The following EIF2D variants were observed in gnomAD, a reference collection of about 807,000 sequenced individuals.
The protein encoded by EIF2D is eukaryotic translation initiation factor 2D, also known as hepatocellular carcinoma-associated antigen 56.
In EIF2D, 56 loss-of-function variants were observed where a neutral mutation model predicts 77.4. The ratio of observed to expected loss-of-function variants is 0.72; its 90% confidence interval spans 0.58 to 0.90. The LOEUF is 0.90. Ranked by LOEUF, EIF2D falls within the 40% of genes least tolerant of loss-of-function variation. The probability of loss-of-function intolerance (pLI) is 0.00; values close to 1 mark genes in which losing one functional copy is unlikely to be tolerated. For synonymous variants in EIF2D, 230 were observed against 271.0 expected (o/e 0.85, Z 1.49); for missense variants, 574 against 706.5 (o/e 0.81, Z 2.13).
Position 206,593,640 on chromosome 1 carries a change from G to A in EIF2D, c.1663C>T (p.His555Tyr), listed in dbSNP as rs1553409453. The A allele has an allele frequency of 1.9e-6, 3 of 1,610,210 alleles. No homozygotes were observed. Among genetic ancestry groups the A allele is most frequent in the South Asian group, 2.2e-5 (2 of 90,908 alleles). Residue 555 changes from histidine to tyrosine, a missense_variant, in exon 14 of 15, where the codon CAC becomes TAC. His to Tyr is a moderately conservative substitution (Grantham distance 83, BLOSUM62 2). Transcript: ENST00000271764. ...TCACCAAGCAATAGCCAGCCGAGGTGGTGGACCTGGTTTCCCTGGATCTGC... is the reference window on the plus strand; with the variant it reads ...TCACCAAGCAATAGCCAGCCGAGGTAGTGGACCTGGTTTCCCTGGATCTGC... ...QVQIQGNQVH[H>Y]LGWLLLEEYQ... is the part of the protein sequence containing the mutation.
intron 12 of EIF2D, among the ~76,000 whole-genome samples, chr1:206,596,402 C>T (rs1378989062): frequency 3.3e-5 from 5 of 152,144 alleles, no homozygotes. Flanking sequence ...CTCAGTTCTG[C>T]CATTATAGCA....
chr1:206,591,960 G>A (rs967439636), intron 14 of EIF2D, 115 bp from the exon 15 acceptor site: 16 of 971,138 alleles, frequency 1.6e-5, no homozygotes, highest in Middle Eastern at 5.2e-4. Flanking sequence ...ACTCAACTTC[G>A]GGACTGACCA....
chr1:206,593,214 C>T (rs1302079353), intron 14 of EIF2D, among the ~76,000 whole-genome samples: 1 of 152,060 alleles, frequency 6.6e-6, no homozygotes, highest in African/African-American at 2.4e-5. Flanking sequence ...CCTCTCTGGG[C>T]CTCAGTTTCC....
chr1:206,571,544 T>C (rs1436894427), intron 5 of EIF2D: 1 of 152,184 alleles, frequency 6.6e-6, no homozygotes, highest in African/African-American at 2.4e-5. Flanking sequence ...GGTGTGCTCA[T>C]AGTCTAATGA....
chr1:206,600,347 A>T, intron 7 of EIF2D, 39 bp from the exon 8 acceptor site: 2 of 1,596,104 alleles, frequency 1.3e-6, no homozygotes, highest in Non-Finnish European at 1.7e-6. Flanking sequence ...ACTAATGAGC[A>T]GTCATACTGG....
intron 4 of EIF2D, 129 bp downstream of exon 4, chr1:206,608,107 A>G (rs1670285243): frequency 1.4e-6 from 1 of 728,932 alleles, no homozygotes; most frequent in Non-Finnish European, 2.2e-6. Flanking sequence ...CTGCTGGCCC[A>G]CTCTGCTTCT....
rs965242525 is a variant in EIF2D at position 206,579,481 on chromosome 1, G to A, written c.*254+1211C>T. ...ATCCTCTGAAGATTGCTATAGTATCGATCTCGCTCTCATGGCAGATAGTGC... is the reference window on the plus strand; with the variant it reads ...ATCCTCTGAAGATTGCTATAGTATCAATCTCGCTCTCATGGCAGATAGTGC... On this transcript the variant is annotated intron_variant and NMD_transcript_variant, in intron 4 of 5. Coordinates refer to the EIF2D transcript ENST00000472709. The surrounding 1 kb of genome is among the most constrained non-coding windows in gnomAD (Gnocchi z 4.2). Among the ~76,000 whole-genome samples the A allele has an allele frequency of 2.0e-5, 3 of 152,090 alleles. No individual in the cohort carries two copies. In the East Asian group the frequency reaches 5.8e-4, roughly 29 times the overall value.
In EIF2D at chr1:206,593,804, A is replaced by G. The variant is rs1669504286; in HGVS notation, c.1510-11T>C. ...CCGGACCACGGTCACCTGGGGGGACAGTGGGGACAGAGACTGACGGTGGTG... is the reference window on the plus strand; with the variant it reads ...CCGGACCACGGTCACCTGGGGGGACGGTGGGGACAGAGACTGACGGTGGTG... On this transcript the variant is annotated splice_polypyrimidine_tract_variant and intron_variant, in intron 13 of 14. Transcript: ENST00000271764. The G allele has an allele frequency of 3.1e-6, 5 of 1,590,138 alleles. No homozygotes were observed. Among genetic ancestry groups the G allele is most frequent in the South Asian group, 1.1e-5 (1 of 89,440 alleles).
chr1:206,586,918 T>C, downstream of EIF2D: 2 of 1,614,174 alleles, frequency 1.2e-6, no homozygotes, highest in Non-Finnish European at 1.7e-6. Flanking sequence ...AAAAGAAGTA[T>C]GACAAGTTTA....
downstream of EIF2D, among the ~76,000 whole-genome samples, chr1:206,589,754 C>G (rs1178143588): frequency 6.6e-6 from 1 of 152,172 alleles, no homozygotes; most frequent in African/African-American, 2.4e-5. Context: ...AGTTCTCTGA[C>G]TTTCATCAAA....
downstream of EIF2D, chr1:206,571,283 G>GT (rs34919529): frequency 0.52 from 76,070 of 147,010 alleles, 20,048 homozygotes; most frequent in Middle Eastern, 0.68. Context: ...TTTTCATCAG[G>GT]TTTTTTTTTT....
At position 206,584,858 on chromosome 1, in the gene EIF2D, G is replaced by T; in HGVS notation, c.139-3696C>A. ...GAATCCGGGCAGGGAGGCAAGAGCA[G>T]AGTCCCTGACTCTGCATGTGACTTC... is the stretch of plus-strand genomic sequence containing the variant. On this transcript the variant is annotated intron_variant and NMD_transcript_variant, in intron 2 of 5. Coordinates refer to the EIF2D transcript ENST00000472709. This position sits in a 1 kb window ranked among gnomAD's most constrained non-coding sequence, Gnocchi z 4.9. The T allele has an allele frequency of 1.5e-6, 1 of 688,848 alleles. No homozygotes were observed. Among genetic ancestry groups the T allele is most frequent in the South Asian group, 1.9e-5 (1 of 53,618 alleles). 42.7% of individuals were successfully genotyped at this position (688,848 alleles called of 1,614,324 possible).
chr1:206,602,183 G>A, intron 7 of EIF2D, 153 bp downstream of exon 7: 1 of 579,028 alleles, frequency 1.7e-6, no homozygotes, highest in South Asian at 2.3e-5. Flanking sequence ...TAGAACCCAG[G>A]AACTAATGTA....
intron 5 of EIF2D, among the ~76,000 whole-genome samples, chr1:206,603,836 T>C (rs1670051392): frequency 6.6e-6 from 1 of 152,194 alleles, no homozygotes. Flanking sequence ...TAGCCAACAT[T>C]ATGCAAATCA....
chr1:206,603,592 T>G, intron 5 of EIF2D: 9 of 179,502 alleles, frequency 5.0e-5, no homozygotes, highest in Non-Finnish European at 8.4e-5. Flanking sequence ...AGATCGCGAA[T>G]GCATCTGTAA....
At chr1:206,602,304 C>T (rs782461236) in intron 7 of EIF2D, 32 bp downstream of exon 7, 14 of 1,585,768 alleles carry the variant, frequency 8.8e-6, no homozygotes, top group South Asian at 6.6e-5. Context: ...ACCCCGGCCC[C>T]GGCCTCCAGC....
Position 206,584,903 on chromosome 1 carries a change from C to T in EIF2D, c.139-3741G>A. The T allele has an allele frequency of 3.3e-6, 2 of 613,802 alleles. No individual in the cohort carries two copies. Among genetic ancestry groups the T allele is most frequent in the South Asian group, 2.0e-5 (1 of 50,518 alleles). 38.0% of individuals were successfully genotyped at this position (613,802 alleles called of 1,614,324 possible). ...GACTTCAGGAAAACCACACCCTAGGCTCCCATTTCCTGATCTGTGCAATGG... is the reference window on the plus strand; with the variant it reads ...GACTTCAGGAAAACCACACCCTAGGTTCCCATTTCCTGATCTGTGCAATGG... On this transcript the variant is annotated intron_variant and NMD_transcript_variant, in intron 2 of 5. Coordinates refer to the EIF2D transcript ENST00000472709. This position sits in a 1 kb window ranked among gnomAD's most constrained non-coding sequence, Gnocchi z 4.9.
chr1:206,597,588 G>A (rs1173977273), intron 11 of EIF2D, among the ~76,000 whole-genome samples: 15 of 152,008 alleles, frequency 9.9e-5, no homozygotes, highest in African/African-American at 3.4e-4. Context: ...AGGCTGAGGC[G>A]GGAGGATCAC....
Position 206,599,877 on chromosome 1 carries a change from C to CCA in EIF2D, c.949-43_949-42dup. 5.7e-6 allele frequency: 9 copies of CCA among 1,584,416 alleles called. No homozygotes were observed. Among genetic ancestry groups the CCA allele is most frequent in the Non-Finnish European group, 6.9e-6 (8 of 1,154,868 alleles). On this transcript the variant is annotated intron_variant, in intron 8 of 14. Coordinates refer to ENST00000271764, the MANE Select transcript of EIF2D (RefSeq NM_006893.3). This position sits in a 1 kb window ranked among gnomAD's most constrained non-coding sequence, Gnocchi z 4.1. The stretch of plus-strand genomic sequence containing the variant: ...CCAGTGGTAGGGGACTTCATTGATT[C>CCA]CACACACATACTGAGCACCCAGGAT...
Sources: allele counts gnomAD v4.1 joint callset (sites outside exome capture counted in the v4.1 genomes callset), GRCh38; gene constraint gnomAD v4.1.1; non-coding constraint Gnocchi (gnomAD v3.1); transcripts MANE v1.5; gene names NCBI Gene and HGNC (gene_info 2026-07-23, HGNC 2026-07-21).